Variants in PTPRD observed in about 807,000 individuals in gnomAD.
PTPRD encodes the protein receptor-type tyrosine-protein phosphatase delta.
In PTPRD, 34 loss-of-function variants were observed where a neutral mutation model predicts 214.5. The observed-to-expected ratio is 0.16, with a 90% CI of 0.12 to 0.21. The LOEUF is 0.21. Ranked by LOEUF, PTPRD falls within the 10% of genes least tolerant of loss-of-function variation. The probability of loss-of-function intolerance (pLI) is 1.00; values close to 1 mark genes in which losing one functional copy is unlikely to be tolerated. For missense variants in PTPRD, 2,545 were observed against 2,398.7 expected (o/e 1.06, Z -1.27); for synonymous variants, 1,128 against 845.7 (o/e 1.33, Z -5.79).
intron 9 of PTPRD, among the ~76,000 whole-genome samples, chr9:9,253,583 G>A (rs930240459): frequency 3.3e-5 from 5 of 152,118 alleles, no homozygotes; most frequent in Middle Eastern, 3.4e-3. Context: ...CAGTTTGAGT[G>A]ATTTTGATGT....
chr9:9,340,135 G>A (rs752443563), intron 9 of PTPRD, among the ~76,000 whole-genome samples: 4 of 152,048 alleles, frequency 2.6e-5, no homozygotes, highest in Admixed American at 1.3e-4. Flanking sequence ...TCTAGAAACC[G>A]CTAAAGACAG....
intron 2 of PTPRD, among the ~76,000 whole-genome samples, chr9:10,570,024 C>T (rs566009304): frequency 5.9e-5 from 9 of 151,892 alleles, no homozygotes; most frequent in East Asian, 1.9e-4. Context: ...AGGTCATTTT[C>T]GTATAAAACT....
At chr9:8,630,404 A>C (rs2096214596) in intron 14 of PTPRD, among the ~76,000 whole-genome samples, 1 of 151,886 alleles carries the variant, frequency 6.6e-6, no homozygotes, top group Non-Finnish European at 1.5e-5. Context: ...ATTATTAAAC[A>C]CTACTATTAA....
intron 3 of PTPRD, among the ~76,000 whole-genome samples, chr9:10,176,228 C>G (rs1472521901): frequency 1.3e-5 from 2 of 151,538 alleles, no homozygotes; most frequent in Admixed American, 6.6e-5. Context: ...TTTATTTGTA[C>G]AAGTAACTAT....
intron 10 of PTPRD, among the ~76,000 whole-genome samples, chr9:9,090,549 T>A (rs1333500902): frequency 6.6e-6 from 1 of 152,208 alleles, no homozygotes; most frequent in Non-Finnish European, 1.5e-5. Context: ...GAGTAGTGAA[T>A]ATGTCAGCGT....
At chr9:8,381,584 C>G (rs549213207) in intron 37 of PTPRD, among the ~76,000 whole-genome samples, 3 of 152,224 alleles carry the variant, frequency 2.0e-5, no homozygotes, top group South Asian at 4.1e-4. Flanking sequence ...GACAAAGAGG[C>G]ACTACAATAT....
chr9:9,486,517 TC>T (rs2095644519), intron 8 of PTPRD, among the ~76,000 whole-genome samples: 1 of 152,102 alleles, frequency 6.6e-6, no homozygotes, highest in Non-Finnish European at 1.5e-5. Context: ...GCTTTTTTTT[TC>T]CTCCCTCATC....
At chr9:9,121,683 G>C (rs2099817761) in intron 10 of PTPRD, among the ~76,000 whole-genome samples, 1 of 152,090 alleles carries the variant, frequency 6.6e-6, no homozygotes, top group African/African-American at 2.4e-5. Flanking sequence ...AAGTGTGGGA[G>C]GGGGGCGAGG....
At chr9:8,580,223 G>A (rs12684099) in intron 14 of PTPRD, among the ~76,000 whole-genome samples, 2 of 152,032 alleles carry the variant, frequency 1.3e-5, no homozygotes, top group East Asian at 3.9e-4. Context: ...AAAGGAACAA[G>A]GTAATATGCA....
At chr9:10,568,198 T>A (rs941083204) in intron 2 of PTPRD, among the ~76,000 whole-genome samples, 1 of 148,154 alleles carries the variant, frequency 6.7e-6, no homozygotes, top group Non-Finnish European at 1.5e-5. Context: ...TTCCCACCTA[T>A]GAGTGAGAAC....
chr9:8,826,312 TA>T (rs1304615595), intron 11 of PTPRD, among the ~76,000 whole-genome samples: 1 of 152,172 alleles, frequency 6.6e-6, no homozygotes, highest in East Asian at 1.9e-4. Flanking sequence ...ATATATTTTT[TA>T]AATCCATTGT....
chr9:8,481,917 G>A (rs1442612058), intron 30 of PTPRD, among the ~76,000 whole-genome samples: 3 of 152,078 alleles, frequency 2.0e-5, no homozygotes, highest in African/African-American at 7.2e-5. Context: ...TGAGTAGCTG[G>A]GATTACAGGC....
At chr9:9,760,641 C>T (rs1597052651) in intron 6 of PTPRD, among the ~76,000 whole-genome samples, 1 of 134,708 alleles carries the variant, frequency 7.4e-6, no homozygotes, top group Admixed American at 7.5e-5. Flanking sequence ...CACACACACA[C>T]ACACACACAC....
intron 8 of PTPRD, among the ~76,000 whole-genome samples, chr9:9,535,364 G>C (rs1335639890): frequency 6.6e-6 from 1 of 152,050 alleles, no homozygotes; most frequent in Non-Finnish European, 1.5e-5. Context: ...CAAGTGCTCT[G>C]AAAAGACAGC....
intron 2 of PTPRD, among the ~76,000 whole-genome samples, chr9:10,371,686 A>G (rs1390368696): frequency 6.6e-6 from 1 of 152,102 alleles, no homozygotes; most frequent in African/African-American, 2.4e-5. Context: ...CTTCCTGACA[A>G]ATATACACAT....
chr9:9,168,122 T>C (rs1315528161), intron 10 of PTPRD, among the ~76,000 whole-genome samples: 2 of 152,222 alleles, frequency 1.3e-5, no homozygotes. Flanking sequence ...AACACAGCCA[T>C]GCCTATTCAC....
In PTPRD at chr9:10,011,661, A is replaced by G. The variant is rs924513290; in HGVS notation, c.-472+22057T>C. On this transcript the variant is annotated intron_variant, in intron 4 of 45. Transcript: ENST00000381196. The stretch of plus-strand genomic sequence containing the variant: ...ATGGGTATAAGCTTATTCCTCAAAA[A>G]AATATACATTGTAACATGTTGAACT... Among the ~76,000 whole-genome samples, 7 of 152,138 alleles carry G rather than the reference A, an allele frequency of 4.6e-5. No homozygotes were observed. In the East Asian group the frequency reaches 1.4e-3, roughly 29 times the overall value.
intron 9 of PTPRD, among the ~76,000 whole-genome samples, chr9:9,248,990 G>A (rs1261717205): frequency 1.3e-5 from 2 of 152,024 alleles, no homozygotes; most frequent in African/African-American, 2.4e-5. Flanking sequence ...CATAAAGCAA[G>A]TGATATAGTT....
At chr9:8,524,814 C>G in intron 18 of PTPRD, 111 bp downstream of exon 18, 4 of 895,878 alleles carry the variant, frequency 4.5e-6, no homozygotes, top group Non-Finnish European at 7.5e-6. Context: ...GCTACGGTCA[C>G]TATTACCAAA....
Sources: gnomAD v4.1 joint callset for allele counts (sites outside exome capture counted in the v4.1 genomes callset) on GRCh38, gnomAD v4.1.1 for gene constraint, MANE v1.5 for transcripts, NCBI Gene and HGNC (gene_info 2026-07-23, HGNC 2026-07-21) for gene names.